Variants in LCMT1 observed in about 807,000 individuals in gnomAD.
The protein encoded by LCMT1 is [Phosphatase 2A protein]-leucine-carboxy methyltransferase 1.
In LCMT1, 32 loss-of-function variants were observed where a neutral mutation model predicts 47.7. The ratio of observed to expected loss-of-function variants is 0.67; its 90% confidence interval spans 0.51 to 0.90. The LOEUF is 0.90. Ranked by LOEUF, LCMT1 falls within the 40% of genes least tolerant of loss-of-function variation. The pLI, the probability that LCMT1 is intolerant of heterozygous loss-of-function variation, is 0.00. For synonymous variants in LCMT1, 152 were observed against 149.7 expected, an observed-to-expected ratio of 1.02 and a Z score of -0.11; for missense variants, 375 against 415.2, an observed-to-expected ratio of 0.90 and a Z score of 0.84.
At chr16:25,128,669 G>C (rs528930870) in intron 2 of LCMT1, 103 bp downstream of exon 2, 1 of 818,748 alleles carries the variant, frequency 1.2e-6, no homozygotes, top group South Asian at 1.6e-5. Context: ...CCAGCTGTGC[G>C]CAAAAGTGCT....
At chr16:25,170,018 G>A (rs571980890) in intron 8 of LCMT1, among the ~76,000 whole-genome samples, 11 of 152,034 alleles carry the variant, frequency 7.2e-5, no homozygotes, top group African/African-American at 2.4e-4. Context: ...TCAGGAGTTC[G>A]ACACTAGCCT....
At chr16:25,162,404 C>T (rs1467324443) in intron 6 of LCMT1, among the ~76,000 whole-genome samples, 4 of 151,922 alleles carry the variant, frequency 2.6e-5, no homozygotes, top group Non-Finnish European at 5.9e-5. Context: ...GCCTGGCCAG[C>T]ATATTGAAGC....
At chr16:25,123,529 A>G (rs755264656) in intron 1 of LCMT1, among the ~76,000 whole-genome samples, 33 of 145,884 alleles carry the variant, frequency 2.3e-4, no homozygotes, top group Admixed American at 9.0e-4. Flanking sequence ...TCAGCCTTAT[A>G]TGCCAAATTC....
At chr16:25,169,041 A>G (rs758200890) in intron 7 of LCMT1, 71 bp from the exon 8 acceptor site, 6 of 1,105,214 alleles carry the variant, frequency 5.4e-6, no homozygotes, top group South Asian at 5.0e-5. Flanking sequence ...TAAAAATAGG[A>G]TGAATGATGT....
chr16:25,132,781 A>G (rs1325765187), intron 3 of LCMT1, among the ~76,000 whole-genome samples: 1 of 151,624 alleles, frequency 6.6e-6, no homozygotes, highest in Non-Finnish European at 1.5e-5. Flanking sequence ...TTCCCTCAGT[A>G]TGAGTAGAAA....
intron 10 of LCMT1, among the ~76,000 whole-genome samples, chr16:25,175,427 C>G (rs186501277): frequency 1.1e-4 from 16 of 150,786 alleles, no homozygotes; most frequent in African/African-American, 3.7e-4. Flanking sequence ...AGTTTGAGAC[C>G]AGCCTGGCCA....
intron 5 of LCMT1, among the ~76,000 whole-genome samples, chr16:25,152,687 A>AT (rs1176223603): frequency 5.3e-5 from 8 of 152,154 alleles, no homozygotes; most frequent in Admixed American, 1.3e-4. Flanking sequence ...CATGGGAACA[A>AT]TTAAATAGTG....
chr16:25,165,141 A>G (rs1450464175), intron 7 of LCMT1, among the ~76,000 whole-genome samples: 2 of 152,176 alleles, frequency 1.3e-5, no homozygotes, highest in Non-Finnish European at 2.9e-5. Context: ...CCCATCTCAC[A>G]GGAGTGGCCA....
chr16:25,153,665 C>G (rs1375205557), intron 5 of LCMT1, among the ~76,000 whole-genome samples: 1 of 152,166 alleles, frequency 6.6e-6, no homozygotes, highest in Admixed American at 6.5e-5. Context: ...AATTTTCTAC[C>G]AGTCTGGCCA....
chr16:25,158,308 C>T (rs768820737), intron 5 of LCMT1, among the ~76,000 whole-genome samples: 15 of 152,228 alleles, frequency 9.9e-5, no homozygotes, highest in Non-Finnish European at 1.6e-4. Flanking sequence ...TGCACCACCA[C>T]GCCTGGCTAA....
At position 25,175,046 on chromosome 16, in the gene LCMT1, T is replaced by G. The variant is rs1961889166; in HGVS notation, c.982+12T>G. 6.6e-7 allele frequency: 1 copy of G among 1,521,948 alleles called. No homozygotes were observed. Among genetic ancestry groups the G allele is most frequent in the African/African-American group, 1.4e-5 (1 of 73,020 alleles). 94.3% of individuals were successfully genotyped at this position (1,521,948 alleles called of 1,614,324 possible). A position where few individuals can be genotyped will look rare whatever the true frequency, so the allele number is the denominator to read the frequency against. ...AGGAAATGAGCTTGGTGCGTGATTG[T>G]ACTTTTCTTGCCTTGACCTGGAAAT... On this transcript the variant is annotated intron_variant, in intron 10 of 10. Coordinates refer to ENST00000399069, the MANE Select transcript of LCMT1 (RefSeq NM_016309.3).
At chr16:25,132,209 G>T in intron 2 of LCMT1, 193 bp from the exon 3 acceptor site, 1 of 586,574 alleles carries the variant, frequency 1.7e-6, no homozygotes, top group Non-Finnish European at 3.0e-6. Context: ...TACTTACCTT[G>T]GTTCAGATGC....
chr16:25,170,344 T>G (rs973646809), intron 8 of LCMT1, among the ~76,000 whole-genome samples: 9 of 151,932 alleles, frequency 5.9e-5, no homozygotes, highest in African/African-American at 2.2e-4. Context: ...GGAAGTACTT[T>G]AGTGAACTTC....
intron 5 of LCMT1, among the ~76,000 whole-genome samples, chr16:25,160,536 G>A (rs1961395395): frequency 6.6e-6 from 1 of 152,154 alleles, no homozygotes; most frequent in African/African-American, 2.4e-5. Context: ...ATTTAAATAG[G>A]CTTACCCTCT....
chr16:25,142,075 A>C (rs1244052960), intron 4 of LCMT1: 1 of 152,310 alleles, frequency 6.6e-6, no homozygotes, highest in Non-Finnish European at 1.5e-5. Context: ...TAGTGCAAGT[A>C]ACAGAGAGGT....
At chr16:25,168,201 A>G (rs1419167588) in intron 7 of LCMT1, among the ~76,000 whole-genome samples, 1 of 151,558 alleles carries the variant, frequency 6.6e-6, no homozygotes, top group Non-Finnish European at 1.5e-5. Flanking sequence ...GGCACGTGCC[A>G]CTGCGCCTGG....
intron 1 of LCMT1, among the ~76,000 whole-genome samples, chr16:25,121,440 T>C: frequency 6.6e-6 from 1 of 152,152 alleles, no homozygotes; most frequent in East Asian, 1.9e-4. Context: ...CAATTTCAAA[T>C]TATTTTTTTC....
At chr16:25,112,551 G>A (rs910038898) in intron 1 of LCMT1, among the ~76,000 whole-genome samples, 1 of 152,206 alleles carries the variant, frequency 6.6e-6, no homozygotes, top group Admixed American at 6.5e-5. Context: ...ACGTGTCAGA[G>A]AAAGAGAAAG....
intron 5 of LCMT1, among the ~76,000 whole-genome samples, chr16:25,156,187 G>A (rs377595737): frequency 1.3e-5 from 2 of 152,054 alleles, no homozygotes; most frequent in Non-Finnish European, 2.9e-5. Flanking sequence ...CCTTCCTGCC[G>A]CCTTATGTCA....
Sources: allele counts gnomAD v4.1 joint callset (sites outside exome capture counted in the v4.1 genomes callset), GRCh38; gene constraint gnomAD v4.1.1; transcripts MANE v1.5; gene names NCBI Gene and HGNC (gene_info 2026-07-23, HGNC 2026-07-21).